The following TRPM1 variants were observed in gnomAD, a reference collection of about 807,000 sequenced individuals.
TRPM1 encodes TRPM1-203 APA Isoform, Intron 10.
TRPM1 carries 113 observed loss-of-function variants against 149.4 expected under a neutral mutation model. That is an observed-to-expected ratio of 0.76 (90% CI 0.65 to 0.88). The LOEUF is 0.88. TRPM1 is among the 40% of genes least tolerant of loss of function. TRPM1 has a pLI of 0.00. For missense variants in TRPM1, 1,976 were observed against 2,038.7 expected, an observed-to-expected ratio of 0.97 and a Z score of 0.59; for synonymous variants, 741 against 759.5, an observed-to-expected ratio of 0.98 and a Z score of 0.40.
intron 7 of TRPM1, 45 bp from the exon 8 acceptor site, chr15:31,063,337 T>A: frequency 1.2e-6 from 2 of 1,613,456 alleles, no homozygotes; most frequent in Non-Finnish European, 1.7e-6. Flanking sequence ...TGCCCTGCAC[T>A]GTCCACCCAG....
chr15:31,054,131 A>C (rs2034020625), intron 11 of TRPM1, among the ~76,000 whole-genome samples: 1 of 152,218 alleles, frequency 6.6e-6, no homozygotes, highest in Non-Finnish European at 1.5e-5. Context: ...CCATTTTGCA[A>C]GATAAAAAAG....
intron 27 of TRPM1, among the ~76,000 whole-genome samples, chr15:31,008,604 A>G (rs757692991): frequency 2.0e-5 from 3 of 152,114 alleles, no homozygotes; most frequent in Non-Finnish European, 4.4e-5. Context: ...GTCTATGTTC[A>G]TGAGGAATAT....
chr15:31,040,064 A>C lies in TRPM1; in HGVS notation c.2316+54T>G. The C allele has an allele frequency of 6.6e-7, 1 of 1,519,132 alleles. No individual in the cohort carries two copies. Among genetic ancestry groups the C allele is most frequent in the Non-Finnish European group, 9.1e-7 (1 of 1,094,104 alleles). 94.1% of individuals were successfully genotyped at this position (1,519,132 alleles called of 1,614,324 possible). On this transcript the variant is annotated intron_variant, in intron 18 of 27. Transcript: ENST00000256552. This position sits in a 1 kb window ranked among gnomAD's most constrained non-coding sequence, Gnocchi z 4.2. ...CAGAAAGTGCTCAGTTCAGCCTGGCAGAGAGTCACTTGTCACTGTCACCCT... is the reference window on the plus strand; with the variant it reads ...CAGAAAGTGCTCAGTTCAGCCTGGCCGAGAGTCACTTGTCACTGTCACCCT...
At position 31,050,425 on chromosome 15, in the gene TRPM1, A is replaced by G. The variant is rs372155877; in HGVS notation, c.1421T>C (p.Ile474Thr). ...TCCACATACCCAGTTCAGCAGCTCT[A>G]TCTTCCGGGGGTCAGTTTCTTCCTC... Reference protein sequence around the residue: ...EVEEETDPRKIELLNWVNALE... With the variant: ...EVEEETDPRKTELLNWVNALE... The change falls in exon 12 of 28, where the codon ATA (isoleucine) becomes ACA (threonine). Residue 474 changes from isoleucine to threonine, a missense_variant. Ile to Thr is a moderately conservative substitution (Grantham distance 89). Transcript: ENST00000256552. 67 of 1,613,868 alleles carry G rather than the reference A, an allele frequency of 4.2e-5. 1 individual carries two copies. Among genetic ancestry groups the G allele is most frequent in the Non-Finnish European group, 4.9e-5 (58 of 1,180,000 alleles).
In TRPM1 at chr15:31,091,048, TA is replaced by T. The variant is rs1200961958; in HGVS notation, c.-83-9611del. Among the ~76,000 whole-genome samples the T allele has an allele frequency of 2.4e-4, 37 of 152,218 alleles. No homozygotes were observed. In the East Asian group the frequency reaches 6.2e-3, roughly 25 times the overall value. ...TTGAAGTTTCTTAAGCATTAGCTGA[TA>T]AAAAAAAGTGCAACGAGGGTAATAG... On this transcript the variant is annotated intron_variant, in intron 1 of 27. Coordinates refer to ENST00000256552, the MANE Select transcript of TRPM1 (RefSeq NM_001252024.2).
At position 31,095,420 on chromosome 15, in the gene TRPM1, C is replaced by T. The variant is rs957375653; in HGVS notation, c.-84+6237G>A. Among the ~76,000 whole-genome samples the T allele has an allele frequency of 3.3e-5, 5 of 152,280 alleles. No homozygotes were observed. In the South Asian group the frequency reaches 8.3e-4, roughly 25 times the overall value. On this transcript the variant is annotated intron_variant, in intron 1 of 27. Coordinates refer to ENST00000256552, the MANE Select transcript of TRPM1 (RefSeq NM_001252024.2). ...AAAAATATGGCTGGGCATGGTGGCT[C>T]ATGTCTGTAATCCCAGCACTTTGGG...
chr15:31,035,792 G>T, intron 20 of TRPM1, 118 bp from the exon 21 acceptor site: 1 of 1,442,600 alleles, frequency 6.9e-7, no homozygotes, highest in Non-Finnish European at 9.6e-7. Flanking sequence ...CAACTGGACT[G>T]ACTCATTGAG....
Position 31,030,990 on chromosome 15 carries a change from C to G in TRPM1, c.3120G>C (p.Gln1040His). 1 of 1,614,206 alleles carries G rather than the reference C, an allele frequency of 6.2e-7. No individual in the cohort carries two copies. Among genetic ancestry groups the G allele is most frequent in the South Asian group, 1.1e-5 (1 of 91,078 alleles). Reference protein sequence around the residue: ...WMIYGEVFADQIDLYAMEINP... With the variant: ...WMIYGEVFADHIDLYAMEINP... The stretch of plus-strand genomic sequence containing the variant: ...TATGAATTCTACTCTTACGGTCTAT[C>G]TGGTCTGCAAACACCTCTCCATAGA... The change falls in exon 23 of 28, where the codon CAG (glutamine) becomes CAC (histidine). Residue 1040 changes from glutamine to histidine, a missense_variant. Coordinates refer to ENST00000256552, the MANE Select transcript of TRPM1 (RefSeq NM_001252024.2).
intron 1 of TRPM1, among the ~76,000 whole-genome samples, chr15:31,093,895 C>T (rs2035308830): frequency 6.6e-6 from 1 of 152,098 alleles, no homozygotes; most frequent in Non-Finnish European, 1.5e-5. Context: ...GATCCCCGCA[C>T]ATGGCCGACA....
At chr15:31,023,710 T>A (rs928982086) in intron 27 of TRPM1, among the ~76,000 whole-genome samples, 4 of 152,196 alleles carry the variant, frequency 2.6e-5, no homozygotes, top group African/African-American at 4.8e-5. Context: ...GGCGATGCCA[T>A]TCACAGAGAC....
intron 12 of TRPM1, 113 bp downstream of exon 12, chr15:31,050,296 C>A: frequency 8.7e-6 from 13 of 1,495,772 alleles, no homozygotes; most frequent in Non-Finnish European, 1.2e-5. Context: ...CAAGCCTTTA[C>A]CCGTCCCTCC....
intron 1 of TRPM1, among the ~76,000 whole-genome samples, chr15:31,155,457 G>A (rs920986062): frequency 2.0e-5 from 3 of 152,196 alleles, no homozygotes; most frequent in Non-Finnish European, 2.9e-5. Context: ...GCCTTAGGCA[G>A]GCACAAACCG....
At chr15:31,121,636 G>A (rs549408614) in intron 1 of TRPM1, among the ~76,000 whole-genome samples, 21 of 152,262 alleles carry the variant, frequency 1.4e-4, no homozygotes, top group African/African-American at 4.6e-4. Context: ...GAAATAGGTC[G>A]CCTGAATAGG....
At chr15:31,088,708 C>T (rs1409966296) in intron 1 of TRPM1, among the ~76,000 whole-genome samples, 1 of 151,762 alleles carries the variant, frequency 6.6e-6, no homozygotes, top group African/African-American at 2.4e-5. Flanking sequence ...TGGGGGCCGT[C>T]GTATGAGATT....
chr15:31,147,177 T>C (rs927807129), intron 1 of TRPM1, among the ~76,000 whole-genome samples: 2 of 152,232 alleles, frequency 1.3e-5, no homozygotes, highest in African/African-American at 4.8e-5. Flanking sequence ...CTAGATTCGT[T>C]GTCATTTGGT....
chr15:31,117,499 A>G (rs565586060), intron 1 of TRPM1, among the ~76,000 whole-genome samples: 1 of 151,810 alleles, frequency 6.6e-6, no homozygotes, highest in African/African-American at 2.4e-5. Flanking sequence ...GAAAAAAAAA[A>G]TAGCTGAGCA....
chr15:31,063,083 C>A, intron 8 of TRPM1, 35 bp downstream of exon 8: 1 of 1,613,454 alleles, frequency 6.2e-7, no homozygotes, highest in East Asian at 2.2e-5. Flanking sequence ...GAGGGAGTTA[C>A]GAACCCGCCC....
intron 9 of TRPM1, among the ~76,000 whole-genome samples, chr15:31,061,916 G>C (rs2140955013): frequency 6.6e-6 from 1 of 152,218 alleles, no homozygotes. Flanking sequence ...TCAAACTCCT[G>C]ACCTCAGGTG....
At chr15:31,144,866 C>T (rs750578142) in intron 1 of TRPM1, among the ~76,000 whole-genome samples, 3 of 151,946 alleles carry the variant, frequency 2.0e-5, no homozygotes, top group Non-Finnish European at 4.4e-5. Flanking sequence ...CAGGTGACTT[C>T]CACCACACCG....
Sources: gnomAD v4.1 joint callset for allele counts (sites outside exome capture counted in the v4.1 genomes callset) on GRCh38, gnomAD v4.1.1 for gene constraint, Gnocchi (gnomAD v3.1) non-coding constraint, MANE v1.5 for transcripts, NCBI Gene and HGNC (gene_info 2026-07-23, HGNC 2026-07-21) for gene names.